BCKDK: variants seen among roughly 807,000 people sequenced by gnomAD.
BCKDK encodes branched-chain alpha-ketoacid dehydrogenase kinase.
A neutral mutation model predicts 43.9 loss-of-function variants in BCKDK; 28 were observed. The ratio of observed to expected loss-of-function variants is 0.64; its 90% CI spans 0.47 to 0.87. BCKDK has a LOEUF of 0.87. Among genes scored for constraint, BCKDK ranks in the 40% least tolerant of loss-of-function variants. The probability of loss-of-function intolerance (pLI) is 0.00; values close to 1 mark genes in which losing one functional copy is unlikely to be tolerated. For synonymous variants in BCKDK, 257 were observed against 234.3 expected, an observed-to-expected ratio of 1.10 and a Z score of -0.88; for missense variants, 483 against 581.4, an observed-to-expected ratio of 0.83 and a Z score of 1.74.
At chr16:31,113,246 C>G (rs577882917), downstream of BCKDK, among the ~76,000 whole-genome samples, 1 of 152,356 alleles carries the variant, frequency 6.6e-6, no homozygotes, top group Admixed American at 6.5e-5. Context: ...TGAGCTCCCA[C>G]AGCAAACTTC....
chr16:31,114,300 A>G (rs1013499344), downstream of BCKDK, among the ~76,000 whole-genome samples: 1 of 29,972 alleles, frequency 3.3e-5, no homozygotes, highest in Non-Finnish European at 7.9e-5. Flanking sequence ...ACCCCCCCCC[A>G]ACCCCAGGTT....
chr16:31,115,973 G>C (rs994222234), downstream of BCKDK: 1 of 152,036 alleles, frequency 6.6e-6, no homozygotes, highest in African/African-American at 2.4e-5. Context: ...GTGCAGTGGC[G>C]TGATCTCAGC....
In BCKDK at chr16:31,112,572, G is replaced by A. The variant is rs543605473; in HGVS notation, c.*307G>A. On this transcript the variant is annotated 3_prime_UTR_variant, in exon 12 of 12. Coordinates refer to ENST00000219794, the MANE Select transcript of BCKDK (RefSeq NM_005881.4). This position sits in a 1 kb window ranked among gnomAD's most constrained non-coding sequence, Gnocchi z 5.0. Reference sequence around the variant, plus strand: ...AAGTTCACATTTTGAATGCCCTCTCGGGCCCCGTGTGTGGGGAGGGCAGGT... The same window carrying A: ...AAGTTCACATTTTGAATGCCCTCTCAGGCCCCGTGTGTGGGGAGGGCAGGT... 3.9e-4 allele frequency: 194 copies of A among 491,546 alleles called. No individual in the cohort carries two copies. In the Middle Eastern group the frequency reaches 5.2e-3, roughly 13 times the overall value. 30.4% of individuals were successfully genotyped at this position (491,546 alleles called of 1,614,324 possible). A position where few individuals can be genotyped will look rare whatever the true frequency, so the allele number is the denominator to read the frequency against.
In BCKDK at chr16:31,110,517, GA is replaced by G; in HGVS notation, c.642+19del. 1 of 1,612,560 alleles carries G rather than the reference GA, an allele frequency of 6.2e-7. No homozygotes were observed. Among genetic ancestry groups the G allele is most frequent in the East Asian group, 2.2e-5 (1 of 44,876 alleles). On this transcript the variant is annotated intron_variant, in intron 7 of 11. Coordinates refer to ENST00000219794, the MANE Select transcript of BCKDK (RefSeq NM_005881.4). The surrounding 1 kb of genome is among the most constrained non-coding windows in gnomAD (Gnocchi z 5.4). ...AGGACAAGGTGGGGCTCTGGGACCT[GA>G]GACCCACCTGGGAACATTAAGTGAG...
chr16:31,114,275 T>A (rs556357730), downstream of BCKDK, among the ~76,000 whole-genome samples: 879 of 139,800 alleles, frequency 6.3e-3, 12 homozygotes, highest in Non-Finnish European at 8.0e-3. Context: ...CTTCGCTCAC[T>A]GCAACCTCCG....
chr16:31,108,687 C>G lies in BCKDK; in HGVS notation c.-178+208C>G, dbSNP rs1398964280. 2 of 152,376 alleles carry G rather than the reference C, an allele frequency of 1.3e-5. No homozygotes were observed. The highest frequency in any genetic ancestry group is 3.9e-4 in the East Asian group (2 of 5,156). 9.4% of individuals were successfully genotyped at this position (152,376 alleles called of 1,614,324 possible). On this transcript the variant is annotated intron_variant, in intron 1 of 11. Transcript: ENST00000219794. This position sits in a 1 kb window ranked among gnomAD's most constrained non-coding sequence, Gnocchi z 6.2. ...GGCCCCAGGGGCCCAGGGCTGGTGT[C>G]GCACGTTCGCTGGCCGCGCTCCCAG...
At position 31,109,100 on chromosome 16, in the gene BCKDK, T is replaced by TC. The variant is rs2057386834; in HGVS notation, c.-121dup. On this transcript the variant is annotated 5_prime_UTR_variant, in exon 2 of 12. It removes the in-frame stop codon of an upstream open reading frame in the 5' UTR. Coordinates refer to ENST00000219794, the MANE Select transcript of BCKDK (RefSeq NM_005881.4). The surrounding 1 kb of genome is among the most constrained non-coding windows in gnomAD (Gnocchi z 5.3). ...TGTCAGCATCCTCGACGCACCCTGGTCCCTGAAGTCGGAGAAGAGCCCCTA... is the reference window on the plus strand; with the variant it reads ...TGTCAGCATCCTCGACGCACCCTGGTCCCCTGAAGTCGGAGAAGAGCCCCTA... The TC allele has an allele frequency of 4.8e-6, 4 of 842,034 alleles. No individual in the cohort carries two copies. The highest frequency in any genetic ancestry group is 5.1e-6 in the Non-Finnish European group (3 of 583,056). The allele number at this position is 842,034 out of a possible 1,614,324, so 52.2% of individuals were successfully genotyped here.
rs746933232 is a variant in BCKDK, at chr16:31,109,095, C to T, written c.-129C>T. On this transcript the variant is annotated 5_prime_UTR_variant, in exon 2 of 12. Coordinates refer to ENST00000219794, the MANE Select transcript of BCKDK (RefSeq NM_005881.4). This position sits in a 1 kb window ranked among gnomAD's most constrained non-coding sequence, Gnocchi z 5.3. ...GAGCCTGTCAGCATCCTCGACGCAC[C>T]CTGGTCCCTGAAGTCGGAGAAGAGC... 2 of 820,352 alleles carry T rather than the reference C, an allele frequency of 2.4e-6. No homozygotes were observed. Among genetic ancestry groups the T allele is most frequent in the Non-Finnish European group, 1.8e-6 (1 of 562,196 alleles). 50.8% of individuals were successfully genotyped at this position (820,352 alleles called of 1,614,324 possible).
Position 31,111,765 on chromosome 16 carries a change from C to G in BCKDK, c.936-104C>G, listed in dbSNP as rs146664083. On this transcript the variant is annotated intron_variant, in intron 10 of 11. Coordinates refer to ENST00000219794, the MANE Select transcript of BCKDK (RefSeq NM_005881.4). ...GGTCTAGGTGGACCACATTCCAGCT[C>G]TGGGTGGAAGGAACAGGAAGGCAGA... The G allele has an allele frequency of 6.3e-5, 93 of 1,472,910 alleles. No homozygotes were observed. In the African/African-American group the frequency reaches 1.1e-3, roughly 17 times the overall value. 91.2% of individuals were successfully genotyped at this position (1,472,910 alleles called of 1,614,324 possible).
chr16:31,110,217 G>A lies in BCKDK; in HGVS notation c.436G>A (p.Ala146Thr). 1 of 1,614,104 alleles carries A rather than the reference G, an allele frequency of 6.2e-7. No individual in the cohort carries two copies. Among genetic ancestry groups the A allele is most frequent in the African/African-American group, 1.3e-5 (1 of 75,040 alleles). The change falls in exon 6 of 12, where the codon GCG becomes ACG. Residue 146 changes from alanine (A) to threonine (T), a missense_variant. Physicochemically the swap from Ala to Thr is moderately conservative, Grantham distance 58. Coordinates refer to ENST00000219794, the MANE Select transcript of BCKDK (RefSeq NM_005881.4). This position sits in a 1 kb window ranked among gnomAD's most constrained non-coding sequence, Gnocchi z 5.4. Reference protein sequence around the residue: ...LTDFPPIKDQADEAQYCQLVR... With the variant: ...LTDFPPIKDQTDEAQYCQLVR... ...CTGTGACCTGCAGATCAAGGACCAGGCGGACGAGGCCCAGTACTGCCAGCT... is the reference window on the plus strand; with the variant it reads ...CTGTGACCTGCAGATCAAGGACCAGACGGACGAGGCCCAGTACTGCCAGCT...
rs1397909284 is a variant in BCKDK, at chr16:31,109,964, G to T, written c.376-113G>T. 8 of 1,493,990 alleles carry T rather than the reference G, an allele frequency of 5.4e-6. No individual in the cohort carries two copies. In the South Asian group the frequency reaches 5.7e-5, roughly 11 times the overall value. The allele number at this position is 1,493,990 out of a possible 1,614,324, so 92.5% of individuals were successfully genotyped here. On this transcript the variant is annotated intron_variant, in intron 4 of 11. Coordinates refer to ENST00000219794, the MANE Select transcript of BCKDK (RefSeq NM_005881.4). The surrounding 1 kb of genome is among the most constrained non-coding windows in gnomAD (Gnocchi z 5.3). ...GGAGCCTGGAAGGGTCGAAGTGGGG[G>T]TTTGATCACGTGGTCGACCAGCTGG...
chr16:31,117,546 G>C, downstream of BCKDK: 1 of 658,364 alleles, frequency 1.5e-6, no homozygotes, highest in Non-Finnish European at 2.2e-6. Context: ...CCGCGGGGAC[G>C]GCCACAGAAG....
chr16:31,117,399 A>AATAAATAAATAAATAAATAC, downstream of BCKDK: 1 of 237,866 alleles, frequency 4.2e-6, no homozygotes, highest in Non-Finnish European at 8.0e-6. Context: ...TAAATAAATA[A>AATAAATAAATAAATAAATAC]ATTAAAAAAA....
chr16:31,115,012 C>T (rs1489679032), downstream of BCKDK, among the ~76,000 whole-genome samples: 4 of 152,088 alleles, frequency 2.6e-5, no homozygotes, highest in Admixed American at 2.6e-4. Flanking sequence ...GCAACCTCCA[C>T]CTCCTGGGTT....
Position 31,110,366 on chromosome 16 carries a change from A to G in BCKDK, c.544-35A>G. 6.2e-7 allele frequency: 1 copy of G among 1,613,960 alleles called. No individual in the cohort carries two copies. ...AGAGGCCGGGCCTGCTGGGGGTGGG[A>G]AGGGCACGGGATTCTGAGACCTCAC... On this transcript the variant is annotated intron_variant, in intron 6 of 11. Transcript: ENST00000219794. The surrounding 1 kb of genome is among the most constrained non-coding windows in gnomAD (Gnocchi z 5.4).
Position 31,109,901 on chromosome 16 carries a change from C to A in BCKDK, c.375+118C>A. On this transcript the variant is annotated intron_variant, in intron 4 of 11. Transcript: ENST00000219794. The surrounding 1 kb of genome is among the most constrained non-coding windows in gnomAD (Gnocchi z 5.3). ...AAAGGTGTCAGGGCCACACAGGATT[C>A]AACCCCAGGCCTTCAGAAGCCAAAG... 2.2e-6 allele frequency: 3 copies of A among 1,370,008 alleles called. No individual in the cohort carries two copies. The highest frequency in any genetic ancestry group is 2.1e-6 in the Non-Finnish European group (2 of 970,602). 84.9% of individuals were successfully genotyped at this position (1,370,008 alleles called of 1,614,324 possible). A position where few individuals can be genotyped will look rare whatever the true frequency, so the allele number is the denominator to read the frequency against.
downstream of BCKDK, among the ~76,000 whole-genome samples, chr16:31,113,586 C>T (rs1229354239): frequency 6.6e-6 from 1 of 152,156 alleles, no homozygotes; most frequent in Admixed American, 6.5e-5. Flanking sequence ...AAGAGATTCT[C>T]CCACCTCAGC....
At position 31,110,503 on chromosome 16, in the gene BCKDK, G is replaced by A; in HGVS notation, c.642+4G>A. 1 of 1,613,704 alleles carries A rather than the reference G, an allele frequency of 6.2e-7. No homozygotes were observed. Among genetic ancestry groups the A allele is most frequent in the African/African-American group, 1.3e-5 (1 of 75,026 alleles). On this transcript the variant is annotated splice_donor_region_variant and intron_variant, in intron 7 of 11. Coordinates refer to ENST00000219794, the MANE Select transcript of BCKDK (RefSeq NM_005881.4). The surrounding 1 kb of genome is among the most constrained non-coding windows in gnomAD (Gnocchi z 5.4). The stretch of plus-strand genomic sequence containing the variant: ...CCTGGCGCTGCATGAGGACAAGGTG[G>A]GGCTCTGGGACCTGAGACCCACCTG...
chr16:31,111,173 A>G lies in BCKDK; in HGVS notation c.799A>G (p.Met267Val). The G allele has an allele frequency of 6.2e-7, 1 of 1,614,092 alleles. No homozygotes were observed. The highest frequency in any genetic ancestry group is 2.2e-5 in the East Asian group (1 of 44,880). Reference protein sequence around the residue: ...HVAARFPFIPMPLDYILPELL... With the variant: ...HVAARFPFIPVPLDYILPELL... ...GGCTGCCCGGTTCCCCTTCATCCCT[A>G]TGCCACTGGACTACATCCTGCCGGA... Residue 267 changes from methionine to valine, a missense_variant, in exon 9 of 12, where the codon ATG becomes GTG. Transcript: ENST00000219794.
Sources: gnomAD v4.1 joint callset for allele counts (sites outside exome capture counted in the v4.1 genomes callset) on GRCh38, gnomAD v4.1.1 for gene constraint, Gnocchi (gnomAD v3.1) non-coding constraint, MANE v1.5 for transcripts, NCBI Gene and HGNC (gene_info 2026-07-23, HGNC 2026-07-21) for gene names.